The following NCOA2 variants were observed in gnomAD, a reference collection of about 807,000 sequenced individuals.
NCOA2 encodes the protein class E basic helix-loop-helix protein 75.
NCOA2 carries 21 observed loss-of-function variants against 145.1 expected under a neutral mutation model. The ratio of observed to expected loss-of-function variants is 0.14; its 90% CI spans 0.10 to 0.21. NCOA2 has a LOEUF of 0.21. Among genes scored for constraint, NCOA2 ranks in the 10% least tolerant of loss-of-function variants. The pLI is 1.00. For synonymous variants in NCOA2, 619 were observed against 637.5 expected (o/e 0.97, Z 0.44); for missense variants, 1,472 against 1,837.6 (o/e 0.80, Z 3.64).
Position 70,260,046 on chromosome 8 carries a change from C to T in NCOA2, c.-20+36698G>A, listed in dbSNP as rs559134756. On this transcript the variant is annotated intron_variant, in intron 2 of 22. Transcript: ENST00000452400. The stretch of plus-strand genomic sequence containing the variant: ...CATCCCTTCCTGGTCAACACCACTA[C>T]CAGGAAACAAAGTTACAACCATAAC... 2.6e-5 allele frequency among the ~76,000 whole-genome samples: 4 copies of T among 152,236 alleles called. No homozygotes were observed. In the South Asian group the frequency reaches 6.2e-4, roughly 24 times the overall value.
rs1392955006 is a variant in NCOA2, at chr8:70,123,922, CGGA to C, written c.4252_4254del (p.Ser1418del). On this transcript the variant is annotated inframe_deletion, in exon 21 of 23. Coordinates refer to ENST00000452400, the MANE Select transcript of NCOA2 (RefSeq NM_006540.4). ...ATGGAGGACAGCCCTGACGTAGGCACGGAGGTCACTGAGGTCATGCTGATCTGT... is the reference window on the plus strand; with the variant it reads ...ATGGAGGACAGCCCTGACGTAGGCACGGTCACTGAGGTCATGCTGATCTGT... 1 of 1,613,690 alleles carries C rather than the reference CGGA, an allele frequency of 6.2e-7. No individual in the cohort carries two copies. Among genetic ancestry groups the C allele is most frequent in the African/African-American group, 1.3e-5 (1 of 74,928 alleles).
intron 4 of NCOA2, among the ~76,000 whole-genome samples, chr8:70,191,769 G>T (rs1030011985): frequency 6.6e-6 from 1 of 152,144 alleles, no homozygotes; most frequent in African/African-American, 2.4e-5. Flanking sequence ...GGCCAGGGAC[G>T]GTGGCTCATG....
At chr8:70,427,927 G>T in the NCOA2 span, among the ~76,000 whole-genome samples, 1 of 152,052 alleles carries the variant, frequency 6.6e-6, no homozygotes, top group Admixed American at 6.6e-5. Context: ...GTTACGTATG[G>T]ATAAATGTCA....
intron 2 of NCOA2, among the ~76,000 whole-genome samples, chr8:70,287,172 A>C (rs1826294894): frequency 6.6e-6 from 1 of 152,144 alleles, no homozygotes; most frequent in Non-Finnish European, 1.5e-5. Context: ...CTAGCTCGGG[A>C]GGTCGAGGCT....
Position 70,128,893 on chromosome 8 carries a change from C to A in NCOA2, c.3412G>T (p.Ala1138Ser). Reference sequence around the variant, plus strand: ...CCCTGGGCCATTTGTGCCTGAGATGCATACTGCTGTGGGAAAACGGGCGCC... The same window carrying A: ...CCCTGGGCCATTTGTGCCTGAGATGAATACTGCTGTGGGAAAACGGGCGCC... ...QKAPVFPQQY[A>S]SQAQMAQGSY... is the part of the protein sequence containing the mutation. Residue 1138 changes from alanine (A) to serine (S), a missense_variant, in exon 17 of 23, where the codon GCA (alanine) becomes TCA (serine). This residue lies in a region of NCOA2 where 953 missense variants were observed against 1,062.1 expected (regional missense o/e 0.90). Transcript: ENST00000452400. 1.2e-6 allele frequency: 2 copies of A among 1,613,848 alleles called. No homozygotes were observed.
chr8:70,287,063 T>C (rs940407755), intron 2 of NCOA2, among the ~76,000 whole-genome samples: 1 of 152,034 alleles, frequency 6.6e-6, no homozygotes, highest in African/African-American at 2.4e-5. Context: ...GCCAACATGC[T>C]TAAATCCTGT....
chr8:70,130,344 G>A (rs1458378016), intron 16 of NCOA2, among the ~76,000 whole-genome samples: 1 of 152,264 alleles, frequency 6.6e-6, no homozygotes, highest in African/African-American at 2.4e-5. Flanking sequence ...ACAGAAATGA[G>A]TGAAAAACGG....
intron 2 of NCOA2, among the ~76,000 whole-genome samples, chr8:70,225,442 A>G (rs2134108494): frequency 6.6e-6 from 1 of 152,008 alleles, no homozygotes; most frequent in East Asian, 1.9e-4. Flanking sequence ...CCAGCTACTC[A>G]GGAGGCTGAG....
intron 1 of NCOA2, chr8:70,402,479 A>G (rs1182965490): frequency 2.6e-5 from 4 of 152,098 alleles, no homozygotes; most frequent in Admixed American, 1.3e-4. Context: ...GGGAGGGGCC[A>G]TCTAACCAGG....
chr8:70,290,592 T>C (rs1210942087), intron 2 of NCOA2, among the ~76,000 whole-genome samples: 1 of 152,148 alleles, frequency 6.6e-6, no homozygotes, highest in African/African-American at 2.4e-5. Flanking sequence ...TTTGCAAAGC[T>C]TACTGTTAAT....
At position 70,144,497 on chromosome 8, in the gene NCOA2, G is replaced by A. The variant is rs938187231; in HGVS notation, c.2812+145C>T. 3.4e-5 allele frequency: 24 copies of A among 701,142 alleles called. No homozygotes were observed. The African/African-American group carries it at 4.3e-4, about 13-fold the overall frequency. 43.4% of individuals were successfully genotyped at this position (701,142 alleles called of 1,614,324 possible). The stretch of plus-strand genomic sequence containing the variant: ...CTTTCCCACATGCCATTCTCACAGT[G>A]AAAATCTGTAGAATTTTCTCACTTT... On this transcript the variant is annotated intron_variant, in intron 13 of 22. Coordinates refer to ENST00000452400, the MANE Select transcript of NCOA2 (RefSeq NM_006540.4).
chr8:70,396,771 G>T (rs1243975410), intron 1 of NCOA2, among the ~76,000 whole-genome samples: 1 of 152,192 alleles, frequency 6.6e-6, no homozygotes, highest in African/African-American at 2.4e-5. Context: ...TGCAGGACTG[G>T]AACTATTCAA....
intron 2 of NCOA2, among the ~76,000 whole-genome samples, chr8:70,251,607 A>C (rs1011740264): frequency 6.6e-5 from 10 of 152,370 alleles, no homozygotes; most frequent in African/African-American, 2.2e-4. Flanking sequence ...AACCAGAGTT[A>C]ATGAGAACCC....
intron 1 of NCOA2, among the ~76,000 whole-genome samples, chr8:70,393,031 G>A (rs907037825): frequency 2.0e-5 from 3 of 152,120 alleles, no homozygotes; most frequent in Non-Finnish European, 4.4e-5. Context: ...TTTACCCCTC[G>A]GTGGGAAGAC....
chr8:70,359,374 G>C (rs906362137), intron 1 of NCOA2, among the ~76,000 whole-genome samples: 3 of 152,110 alleles, frequency 2.0e-5, no homozygotes, highest in Non-Finnish European at 4.4e-5. Context: ...CCATACAATG[G>C]AATATTATTC....
the NCOA2 span, among the ~76,000 whole-genome samples, chr8:70,425,454 A>G: frequency 6.6e-6 from 1 of 151,706 alleles, no homozygotes; most frequent in Admixed American, 6.6e-5. Flanking sequence ...TTGAAGCTTA[A>G]ACTAACTCCC....
At chr8:70,283,119 C>T (rs761646343) in intron 2 of NCOA2, among the ~76,000 whole-genome samples, 3 of 152,200 alleles carry the variant, frequency 2.0e-5, no homozygotes, top group Non-Finnish European at 4.4e-5. Flanking sequence ...CTAGTGAACA[C>T]ATTCTGTAAT....
chr8:70,304,373 G>GT (rs1315318888), intron 1 of NCOA2, among the ~76,000 whole-genome samples: 2 of 152,172 alleles, frequency 1.3e-5, no homozygotes, highest in Non-Finnish European at 1.5e-5. Flanking sequence ...GATAGCCTAG[G>GT]TATGTAGCAG....
intron 2 of NCOA2, among the ~76,000 whole-genome samples, chr8:70,234,510 A>ACCTTGTTATTTTTGTTT (rs1821429615): frequency 6.6e-6 from 1 of 151,948 alleles, no homozygotes; most frequent in Non-Finnish European, 1.5e-5. Context: ...TTTTTTTCAA[A>ACCTTGTTATTTTTGTTT]TCTTCCCCAA....
Sources: allele counts gnomAD v4.1 joint callset (sites outside exome capture counted in the v4.1 genomes callset), GRCh38; gene constraint gnomAD v4.1.1; regional missense constraint gnomAD v4.1.1; transcripts MANE v1.5; gene names NCBI Gene and HGNC (gene_info 2026-07-23, HGNC 2026-07-21).